Variants in CNTNAP2 observed in about 807,000 individuals in gnomAD.
CNTNAP2 encodes contactin associated protein 2.
In CNTNAP2, 98 loss-of-function variants were observed where a neutral mutation model predicts 155.2. The observed-to-expected ratio is 0.63, with a 90% CI of 0.54 to 0.75. CNTNAP2 has a LOEUF of 0.75. CNTNAP2 is among the 30% of genes least tolerant of loss of function. CNTNAP2 has a pLI of 0.00. For synonymous variants in CNTNAP2, 651 were observed against 631.2 expected, an observed-to-expected ratio of 1.03 and a Z score of -0.47; for missense variants, 1,727 against 1,688.1, an observed-to-expected ratio of 1.02 and a Z score of -0.40.
At chr7:147,154,471 A>T (rs761451285) in intron 8 of CNTNAP2, among the ~76,000 whole-genome samples, 21 of 152,218 alleles carry the variant, frequency 1.4e-4, no homozygotes, top group Non-Finnish European at 2.6e-4. Flanking sequence ...AAATTTAAAA[A>T]CATTTTAAAC....
chr7:147,430,699 G>T (rs1345540903), intron 10 of CNTNAP2, among the ~76,000 whole-genome samples: 1 of 152,084 alleles, frequency 6.6e-6, no homozygotes, highest in Non-Finnish European at 1.5e-5. Context: ...AGTCCAACTA[G>T]GACACAGAGG....
chr7:148,109,099 G>T (rs1033430028), intron 15 of CNTNAP2, among the ~76,000 whole-genome samples: 1 of 152,164 alleles, frequency 6.6e-6, no homozygotes, highest in East Asian at 1.9e-4. Flanking sequence ...CCCATTCCTT[G>T]GCCAAGCCCT....
intron 15 of CNTNAP2, among the ~76,000 whole-genome samples, chr7:148,074,216 G>A (rs12671444): frequency 0.48 from 73,249 of 151,800 alleles, 18,805 homozygotes; most frequent in East Asian, 0.82. Flanking sequence ...CTTCCCCCCA[G>A]CTTTGTCTCT....
At chr7:146,140,002 C>A (rs958410030) in intron 1 of CNTNAP2, among the ~76,000 whole-genome samples, 1 of 152,092 alleles carries the variant, frequency 6.6e-6, no homozygotes, top group Non-Finnish European at 1.5e-5. Flanking sequence ...CCAGTCAAAG[C>A]CCTCTGTTGG....
chr7:147,449,159 A>G (rs1292558431), intron 10 of CNTNAP2, among the ~76,000 whole-genome samples: 1 of 152,204 alleles, frequency 6.6e-6, no homozygotes, highest in Non-Finnish European at 1.5e-5. Context: ...AACCACATCA[A>G]ATGTTCTCTG....
chr7:147,331,117 G>T (rs889229833), intron 9 of CNTNAP2, among the ~76,000 whole-genome samples: 11 of 152,020 alleles, frequency 7.2e-5, no homozygotes, highest in Admixed American at 2.0e-4. Context: ...GAATATCAGA[G>T]TGGTCCAAGC....
chr7:146,666,489 A>ATT (rs1294426398), intron 1 of CNTNAP2, among the ~76,000 whole-genome samples: 2 of 152,102 alleles, frequency 1.3e-5, no homozygotes, highest in African/African-American at 4.8e-5. Context: ...TGATATACTC[A>ATT]TTTCATCTCC....
At chr7:146,645,264 G>A (rs564217467) in intron 1 of CNTNAP2, among the ~76,000 whole-genome samples, 29 of 152,234 alleles carry the variant, frequency 1.9e-4, no homozygotes, top group African/African-American at 6.0e-4. Context: ...TCATGGCTAT[G>A]GTTGCCATTC....
At chr7:146,847,750 G>T (rs912442792) in intron 3 of CNTNAP2, among the ~76,000 whole-genome samples, 22 of 152,084 alleles carry the variant, frequency 1.4e-4, no homozygotes, top group Non-Finnish European at 2.4e-4. Context: ...AAGTATAATT[G>T]AGAATGCTAA....
intron 8 of CNTNAP2, among the ~76,000 whole-genome samples, chr7:147,289,020 A>G (rs1157581678): frequency 2.0e-5 from 3 of 152,208 alleles, no homozygotes; most frequent in African/African-American, 7.2e-5. Context: ...ATGACTCATG[A>G]ATCATGATTT....
intron 18 of CNTNAP2, among the ~76,000 whole-genome samples, chr7:148,209,886 G>A (rs148320178): frequency 2.0e-5 from 3 of 152,070 alleles, no homozygotes; most frequent in Non-Finnish European, 4.4e-5. Flanking sequence ...CCTCCACTAC[G>A]TTCATCCTCG....
intron 21 of CNTNAP2, among the ~76,000 whole-genome samples, chr7:148,278,169 G>C (rs1796908937): frequency 6.6e-6 from 1 of 152,214 alleles, no homozygotes; most frequent in African/African-American, 2.4e-5. Context: ...ACATGGCAAA[G>C]GCCACGGATA....
intron 18 of CNTNAP2, among the ~76,000 whole-genome samples, chr7:148,205,548 G>C (rs1014209664): frequency 5.3e-5 from 8 of 152,198 alleles, no homozygotes; most frequent in African/African-American, 1.9e-4. Flanking sequence ...TCGTTAAGCT[G>C]TAAGTCCTTT....
Position 148,094,547 on chromosome 7 carries a change from T to A in CNTNAP2, c.2384-23571T>A, listed in dbSNP as rs112901820. On this transcript the variant is annotated intron_variant, in intron 15 of 23. Transcript: ENST00000361727. ...TCTGCGGAGGATGATCTGGAAGGGG[T>A]GGTACTAGAGTCAGGGAGACAAAAG... is the stretch of plus-strand genomic sequence containing the variant. 2.6e-5 allele frequency among the ~76,000 whole-genome samples: 4 copies of A among 152,092 alleles called. 1 individual carries two copies. Among genetic ancestry groups the A allele is most frequent in the African/African-American group, 9.6e-5 (4 of 41,482 alleles).
chr7:146,911,319 G>T (rs1055849077), intron 3 of CNTNAP2, among the ~76,000 whole-genome samples: 94 of 152,184 alleles, frequency 6.2e-4, no homozygotes, highest in African/African-American at 2.1e-3. Flanking sequence ...TATACCCAAA[G>T]GACTATAAAT....
chr7:148,043,301 G>A (rs555574845), intron 15 of CNTNAP2, among the ~76,000 whole-genome samples: 20 of 152,320 alleles, frequency 1.3e-4, no homozygotes, highest in African/African-American at 4.8e-4. Context: ...ATAAAATCAT[G>A]TGCTGTGATC....
intron 1 of CNTNAP2, among the ~76,000 whole-genome samples, chr7:146,284,535 A>G (rs1800298038): frequency 6.6e-6 from 1 of 152,126 alleles, no homozygotes; most frequent in Non-Finnish European, 1.5e-5. Context: ...TAAATTCTAT[A>G]TTTTTCTAGC....
At chr7:146,798,850 C>A (rs1451798424) in intron 2 of CNTNAP2, among the ~76,000 whole-genome samples, 1 of 152,088 alleles carries the variant, frequency 6.6e-6, no homozygotes, top group Non-Finnish European at 1.5e-5. Flanking sequence ...CATTTTCATA[C>A]CCAGCTAAGA....
chr7:146,148,025 G>T (rs995106804), intron 1 of CNTNAP2, among the ~76,000 whole-genome samples: 1 of 152,012 alleles, frequency 6.6e-6, no homozygotes, highest in African/African-American at 2.4e-5. Context: ...TCTCTTATAG[G>T]ACTGTGCTTT....
Sources: allele counts gnomAD v4.1 joint callset (sites outside exome capture counted in the v4.1 genomes callset), GRCh38; gene constraint gnomAD v4.1.1; transcripts MANE v1.5; gene names NCBI Gene and HGNC (gene_info 2026-07-23, HGNC 2026-07-21).